TRPV4: variants seen among roughly 807,000 people sequenced by gnomAD.
TRPV4 encodes the protein transient receptor potential cation channel subfamily V member 4.
In TRPV4, 58 loss-of-function variants were observed where a neutral mutation model predicts 84.1. The ratio of observed to expected loss-of-function variants is 0.69; its 90% CI spans 0.56 to 0.86. The LOEUF is 0.86. Among genes scored for constraint, TRPV4 ranks in the 40% least tolerant of loss-of-function variants. TRPV4 has a pLI of 0.00. For missense variants in TRPV4, 879 were observed against 1,181.1 expected, an observed-to-expected ratio of 0.74 and a Z score of 3.75; for synonymous variants, 489 against 500.9, an observed-to-expected ratio of 0.98 and a Z score of 0.32.
rs1191732816 is a variant in TRPV4, at chr12:109,786,303, G to A, written c.2336+407C>T. ...ATTCCTCAGCTTCCCATTTCACCGA[G>A]GGCACTAGAGCTCACCCCACTGTTT... is the stretch of plus-strand genomic sequence containing the variant. On this transcript the variant is annotated intron_variant, in intron 14 of 15. Coordinates refer to ENST00000261740, the MANE Select transcript of TRPV4 (RefSeq NM_021625.5). The surrounding 1 kb of genome is among the most constrained non-coding windows in gnomAD (Gnocchi z 4.5). Among the ~76,000 whole-genome samples the A allele has an allele frequency of 6.6e-6, 1 of 152,168 alleles. No homozygotes were observed. Among genetic ancestry groups the A allele is most frequent in the Non-Finnish European group, 1.5e-5 (1 of 68,034 alleles).
Position 109,815,023 on chromosome 12 carries a change from T to G in TRPV4, c.-31-196A>C. ...GCGGGAACTGCAACAGGAGCCTCTT[T>G]CACGAACCTGGAAACACAAATTGGC... On this transcript the variant is annotated intron_variant, in intron 1 of 15. Coordinates refer to ENST00000261740, the MANE Select transcript of TRPV4 (RefSeq NM_021625.5). This position sits in a 1 kb window ranked among gnomAD's most constrained non-coding sequence, Gnocchi z 4.1. 2 of 597,704 alleles carry G rather than the reference T, an allele frequency of 3.3e-6. No homozygotes were observed. Among genetic ancestry groups the G allele is most frequent in the Non-Finnish European group, 5.9e-6 (2 of 337,062 alleles). 37.0% of individuals were successfully genotyped at this position (597,704 alleles called of 1,614,324 possible).
intron 3 of TRPV4, 79 bp downstream of exon 3, chr12:109,808,216 AG>A: frequency 6.5e-7 from 1 of 1,530,268 alleles, no homozygotes; most frequent in Non-Finnish European, 9.0e-7. Flanking sequence ...AAAGAAGCTG[AG>A]GGGAAAGGGG....
At chr12:109,826,154 G>A (rs961361040) in intron 1 of TRPV4, among the ~76,000 whole-genome samples, 1 of 152,128 alleles carries the variant, frequency 6.6e-6, no homozygotes, top group Non-Finnish European at 1.5e-5. Context: ...CTCCCCAGAA[G>A]CTGGGACCAC....
intron 1 of TRPV4, among the ~76,000 whole-genome samples, chr12:109,819,584 C>G (rs902335902): frequency 1.3e-5 from 2 of 152,230 alleles, no homozygotes; most frequent in African/African-American, 4.8e-5. Flanking sequence ...TTTGTTGAGA[C>G]AGGGTCTCAC....
Position 109,792,316 on chromosome 12 carries a change from G to A in TRPV4, c.1891+47C>T, listed in dbSNP as rs145460865. 8,647 of 1,528,462 alleles carry A rather than the reference G, an allele frequency of 5.7e-3. 54 individuals are homozygous for A. Among genetic ancestry groups the A allele is most frequent in the Non-Finnish European group, 6.5e-3 (7,197 of 1,108,026 alleles). The allele number at this position is 1,528,462 out of a possible 1,614,324, so 94.7% of individuals were successfully genotyped here. Reference sequence around the variant, plus strand: ...CCTATACATCATGGCTACTGTTCCCGTCCTTGCACCACCCCTGCCAGGACC... The same window carrying A: ...CCTATACATCATGGCTACTGTTCCCATCCTTGCACCACCCCTGCCAGGACC... On this transcript the variant is annotated intron_variant, in intron 12 of 15. Transcript: ENST00000261740.
rs77680510 is a variant in TRPV4, at chr12:109,808,354, G to A, written c.501C>T (p.Asp167=). 7.1e-5 allele frequency: 115 copies of A among 1,614,204 alleles called. No individual in the cohort carries two copies. In the African/African-American group the frequency reaches 1.1e-3, roughly 16 times the overall value. ...IVSRGSTADL[D]GLLPFLLTHK... is the part of the protein sequence containing the mutation. ...GGGTCAGCAAGAATGGGAGCAGCCC[G>A]TCCAGGTCAGCAGTGGAGCCCCGGG... Residue 167 remains aspartate (D), a synonymous_variant, in exon 3 of 16, where the codon GAC becomes GAT. Coordinates refer to ENST00000261740, the MANE Select transcript of TRPV4 (RefSeq NM_021625.5).
At chr12:109,828,339 C>A (rs749995195) in intron 1 of TRPV4, among the ~76,000 whole-genome samples, 13 of 152,038 alleles carry the variant, frequency 8.6e-5, no homozygotes, top group Non-Finnish European at 1.8e-4. Flanking sequence ...GTGGCCAGGG[C>A]TCGGGGCAGA....
chr12:109,792,073 AT>A (rs1890073537), intron 12 of TRPV4, among the ~76,000 whole-genome samples: 1 of 143,106 alleles, frequency 7.0e-6, no homozygotes, highest in Non-Finnish European at 1.5e-5. Context: ...TCTACTAAAA[AT>A]ACAAAAAAAA....
Position 109,798,982 on chromosome 12 carries a change from CG to C in TRPV4, c.854-71del. ...GGGTGGGACTCTGCCTGCAGACACT[CG>C]GGGGACGGACACCGTGGCGCTCTGA... On this transcript the variant is annotated intron_variant, in intron 5 of 15. Transcript: ENST00000261740. This position sits in a 1 kb window ranked among gnomAD's most constrained non-coding sequence, Gnocchi z 5.0. The C allele has an allele frequency of 6.9e-7, 1 of 1,458,142 alleles. No individual in the cohort carries two copies. The highest frequency in any genetic ancestry group is 9.4e-7 in the Non-Finnish European group (1 of 1,064,876). 90.3% of individuals were successfully genotyped at this position (1,458,142 alleles called of 1,614,324 possible). A position where few individuals can be genotyped will look rare whatever the true frequency, so the allele number is the denominator to read the frequency against.
Position 109,814,903 on chromosome 12 carries a change from A to G in TRPV4, c.-31-76T>C. 1.4e-6 allele frequency: 2 copies of G among 1,408,864 alleles called. No individual in the cohort carries two copies. Among genetic ancestry groups the G allele is most frequent in the South Asian group, 2.5e-5 (2 of 79,660 alleles). 87.3% of individuals were successfully genotyped at this position (1,408,864 alleles called of 1,614,324 possible). On this transcript the variant is annotated intron_variant, in intron 1 of 15. Transcript: ENST00000261740. The surrounding 1 kb of genome is among the most constrained non-coding windows in gnomAD (Gnocchi z 5.4). Reference sequence around the variant, plus strand: ...CTCCAGGAAGCCCCCTCCCACGTGGACAAGCAGCAGTGCTGCCAGCTGCTT... The same window carrying G: ...CTCCAGGAAGCCCCCTCCCACGTGGGCAAGCAGCAGTGCTGCCAGCTGCTT...
chr12:109,784,035 C>G (rs1275156737), intron 15 of TRPV4, among the ~76,000 whole-genome samples: 2 of 152,166 alleles, frequency 1.3e-5, no homozygotes, highest in Non-Finnish European at 2.9e-5. Flanking sequence ...CTCGCGTGCT[C>G]ATGGCTTACT....
intron 1 of TRPV4, among the ~76,000 whole-genome samples, chr12:109,824,255 G>A (rs547656199): frequency 4.1e-4 from 63 of 152,020 alleles, no homozygotes; most frequent in African/African-American, 1.4e-3. Flanking sequence ...GTCGGCCACC[G>A]TGCCCAGCCA....
rs1410123642 is a variant in TRPV4, at chr12:109,796,141, C to T, written c.1332+384G>A. ...AATGTTTACTCTGTGCCAAGCCATT[C>T]TAAAATTAACCTCTTTGGTCCTCCC... On this transcript the variant is annotated intron_variant, in intron 7 of 15. Transcript: ENST00000261740. This position sits in a 1 kb window ranked among gnomAD's most constrained non-coding sequence, Gnocchi z 4.2. Among the ~76,000 whole-genome samples the T allele has an allele frequency of 6.6e-6, 1 of 152,148 alleles. No individual in the cohort carries two copies. The highest frequency in any genetic ancestry group is 6.5e-5 in the Admixed American group (1 of 15,276).
chr12:109,809,590 C>G (rs890866387), intron 2 of TRPV4, among the ~76,000 whole-genome samples: 2 of 146,374 alleles, frequency 1.4e-5, no homozygotes, highest in Admixed American at 6.7e-5. Flanking sequence ...ATCCACTCAC[C>G]CATCCATCCA....
rs1370189214 is a variant in TRPV4, at chr12:109,793,676, G to A, written c.1585-76C>T. 3.2e-6 allele frequency: 4 copies of A among 1,264,552 alleles called. No homozygotes were observed. The highest frequency in any genetic ancestry group is 3.4e-5 in the Admixed American group (2 of 58,234). The allele number at this position is 1,264,552 out of a possible 1,614,324, so 78.3% of individuals were successfully genotyped here. ...GAGGAGGAGAGAGGAGACAGAGAAAGGGATAGAAGAGAGGGAGGCAGAGGC... is the reference window on the plus strand; with the variant it reads ...GAGGAGGAGAGAGGAGACAGAGAAAAGGATAGAAGAGAGGGAGGCAGAGGC... On this transcript the variant is annotated intron_variant, in intron 9 of 15. Transcript: ENST00000261740. This position sits in a 1 kb window ranked among gnomAD's most constrained non-coding sequence, Gnocchi z 4.0.
chr12:109,820,704 T>C (rs989359666), intron 1 of TRPV4, among the ~76,000 whole-genome samples: 2 of 151,804 alleles, frequency 1.3e-5, no homozygotes, highest in Middle Eastern at 3.4e-3. Context: ...TGTATTTTTT[T>C]AGTACAGACG....
intron 1 of TRPV4, among the ~76,000 whole-genome samples, chr12:109,830,118 C>G (rs1458568633): frequency 6.6e-6 from 1 of 152,186 alleles, no homozygotes; most frequent in Non-Finnish European, 1.5e-5. Flanking sequence ...ACCCGGCCAA[C>G]TCAGGTTCCT....
At position 109,807,817 on chromosome 12, in the gene TRPV4, C is replaced by T. The variant is rs559766056; in HGVS notation, c.559+479G>A. Among the ~76,000 whole-genome samples the T allele has an allele frequency of 1.6e-4, 25 of 152,266 alleles. No individual in the cohort carries two copies. In the South Asian group the frequency reaches 2.5e-3, roughly 15 times the overall value. ...TGGAGCAGACCCCAAGAAGTAGAAT[C>T]AGGACTACCAGCCCAGACACCTGCC... is the stretch of plus-strand genomic sequence containing the variant. On this transcript the variant is annotated intron_variant, in intron 3 of 15. Coordinates refer to ENST00000261740, the MANE Select transcript of TRPV4 (RefSeq NM_021625.5).
intron 1 of TRPV4, among the ~76,000 whole-genome samples, chr12:109,827,741 CACAG>C (rs1892301994): frequency 2.6e-5 from 4 of 151,752 alleles, no homozygotes; most frequent in South Asian, 2.1e-4. Flanking sequence ...CACACATACA[CACAG>C]ACATACATAT....
Sources: allele counts gnomAD v4.1 joint callset (sites outside exome capture counted in the v4.1 genomes callset), GRCh38; gene constraint gnomAD v4.1.1; non-coding constraint Gnocchi (gnomAD v3.1); transcripts MANE v1.5; gene names NCBI Gene and HGNC (gene_info 2026-07-23, HGNC 2026-07-21).